The following GNG7 variants were observed in gnomAD, a reference collection of about 807,000 sequenced individuals.
GNG7 encodes G protein subunit gamma 7.
In GNG7, 1 loss-of-function variant was observed where a neutral mutation model predicts 4.0. The observed-to-expected ratio is 0.25, with a 90% CI of 0.09 to 1.18. The LOEUF (loss-of-function observed/expected upper bound fraction) is 1.18. Ranked by LOEUF, GNG7 falls within the 50% of genes most tolerant of loss-of-function variation. GNG7 has a pLI of 0.50. For synonymous variants in GNG7, 34 were observed against 36.9 expected (o/e 0.92, Z 0.29); for missense variants, 86 against 91.9 (o/e 0.94, Z 0.26).
chr19:2,557,183 A>G lies in GNG7; in HGVS notation c.-77-1995T>C, dbSNP rs941341231. Reference sequence around the variant, plus strand: ...AGACACGCGCACACACGTACACACAAGACACGTGCACACACATTTGCATGC... The same window carrying G: ...AGACACGCGCACACACGTACACACAGGACACGTGCACACACATTTGCATGC... On this transcript the variant is annotated intron_variant, in intron 2 of 4. Transcript: ENST00000382159. The surrounding 1 kb of genome is among the most constrained non-coding windows in gnomAD (Gnocchi z 5.1). Among the ~76,000 whole-genome samples, 3 of 151,436 alleles carry G rather than the reference A, an allele frequency of 2.0e-5. No individual in the cohort carries two copies. The highest frequency in any genetic ancestry group is 4.4e-5 in the Non-Finnish European group (3 of 67,870).
intron 2 of GNG7, among the ~76,000 whole-genome samples, chr19:2,576,274 T>C (rs1029753): frequency 0.79 from 120,679 of 152,254 alleles, 48,817 homozygotes; most frequent in East Asian, 1. Context: ...CCCAGGGGAC[T>C]GCAGCAAAAA....
intron 1 of GNG7, among the ~76,000 whole-genome samples, chr19:2,670,982 G>A (rs1983437938): frequency 6.6e-6 from 1 of 152,242 alleles, no homozygotes; most frequent in East Asian, 1.9e-4. Context: ...AATCCCAGGA[G>A]CTGGGGGTCC....
At chr19:2,621,658 C>T (rs1981873665) in intron 2 of GNG7, among the ~76,000 whole-genome samples, 1 of 152,136 alleles carries the variant, frequency 6.6e-6, no homozygotes, top group Non-Finnish European at 1.5e-5. Flanking sequence ...GATGGCACCA[C>T]TGCACTCCAG....
intron 2 of GNG7, among the ~76,000 whole-genome samples, chr19:2,584,146 C>CA (rs548572173): frequency 9.2e-5 from 14 of 152,116 alleles, no homozygotes; most frequent in African/African-American, 3.1e-4. Flanking sequence ...ATCAGAAGGA[C>CA]ACAGAGCCAG....
intron 3 of GNG7, chr19:2,537,971 G>A (rs749551250): frequency 5.4e-6 from 2 of 368,302 alleles, no homozygotes; most frequent in Non-Finnish European, 5.4e-6. Context: ...CAGCTACTCA[G>A]GAGGCTGAGG....
intron 1 of GNG7, among the ~76,000 whole-genome samples, chr19:2,681,147 AATTTTT>A (rs1335230160): frequency 6.9e-6 from 1 of 145,502 alleles, no homozygotes; most frequent in Non-Finnish European, 1.5e-5. Context: ...AGGCCTGGCT[AATTTTT>A]ATTTTTATTT....
At chr19:2,685,227 T>C (rs1983843134) in intron 1 of GNG7, among the ~76,000 whole-genome samples, 1 of 151,802 alleles carries the variant, frequency 6.6e-6, no homozygotes, top group Non-Finnish European at 1.5e-5. Flanking sequence ...AGTTTCAGTT[T>C]GGGAAGATGA....
At chr19:2,542,405 C>T (rs113585773) in intron 3 of GNG7, among the ~76,000 whole-genome samples, 3,999 of 152,100 alleles carry the variant, frequency 0.026, 170 homozygotes, top group African/African-American at 0.092. Flanking sequence ...TGCGAGTCAC[C>T]GCGCCTGGCC....
At chr19:2,603,996 G>A (rs1250632878) in intron 2 of GNG7, among the ~76,000 whole-genome samples, 5 of 151,928 alleles carry the variant, frequency 3.3e-5, no homozygotes, top group Middle Eastern at 3.4e-3. Flanking sequence ...GACTACAGGC[G>A]CCCGCCACCA....
rs1979129385 is a variant in GNG7, at chr19:2,546,430, G to C, written c.-38+8719C>G. Among the ~76,000 whole-genome samples the C allele has an allele frequency of 6.6e-6, 1 of 152,252 alleles. No homozygotes were observed. The highest frequency in any genetic ancestry group is 1.5e-5 in the Non-Finnish European group (1 of 68,040). ...CTCAAGGCAGGGCCGTGGGGCCCAG[G>C]GCTGCGGGCGGGAGGGCCTCTGCCA... On this transcript the variant is annotated intron_variant, in intron 3 of 4. Transcript: ENST00000382159. This position sits in a 1 kb window ranked among gnomAD's most constrained non-coding sequence, Gnocchi z 6.3.
Position 2,614,898 on chromosome 19 carries a change from A to T in GNG7, c.-78+31326T>A, listed in dbSNP as rs202067836. Among the ~76,000 whole-genome samples, 8 of 152,274 alleles carry T rather than the reference A, an allele frequency of 5.3e-5. No individual in the cohort carries two copies. In the South Asian group the frequency reaches 1.7e-3, roughly 32 times the overall value. ...AGGCGGCTGCCCCATCTTGCATCACACATCAATTCTCAATGCCAAGGCGTT... is the reference window on the plus strand; with the variant it reads ...AGGCGGCTGCCCCATCTTGCATCACTCATCAATTCTCAATGCCAAGGCGTT... On this transcript the variant is annotated intron_variant, in intron 2 of 4. Coordinates refer to ENST00000382159, the MANE Select transcript of GNG7 (RefSeq NM_052847.3). The surrounding 1 kb of genome is among the most constrained non-coding windows in gnomAD (Gnocchi z 6.0).
chr19:2,605,261 C>T (rs1252873616), intron 2 of GNG7, among the ~76,000 whole-genome samples: 1 of 152,084 alleles, frequency 6.6e-6, no homozygotes, highest in African/African-American at 2.4e-5. Context: ...GCACCAGACA[C>T]CATCTCGGCT....
intron 1 of GNG7, among the ~76,000 whole-genome samples, chr19:2,687,117 G>A (rs936060046): frequency 6.6e-6 from 1 of 151,750 alleles, no homozygotes; most frequent in South Asian, 2.1e-4. Context: ...GAGTGCAGGG[G>A]CATGATCTTG....
rs1392001284 is a variant in GNG7 at position 2,557,324 on chromosome 19, T to G, written c.-77-2136A>C. On this transcript the variant is annotated intron_variant, in intron 2 of 4. Coordinates refer to ENST00000382159, the MANE Select transcript of GNG7 (RefSeq NM_052847.3). This position sits in a 1 kb window ranked among gnomAD's most constrained non-coding sequence, Gnocchi z 5.1. ...GCACATACACGCACAGACACACATG[T>G]GCACACAGACACACACATGTGCACA... is the stretch of plus-strand genomic sequence containing the variant. 7.3e-6 allele frequency among the ~76,000 whole-genome samples: 1 copy of G among 136,334 alleles called. No homozygotes were observed. Among genetic ancestry groups the G allele is most frequent in the Non-Finnish European group, 1.6e-5 (1 of 61,658 alleles). The allele number at this position is 136,334 out of a possible 152,430, so 89.4% of individuals were successfully genotyped here. A position where few individuals can be genotyped will look rare whatever the true frequency, so the allele number is the denominator to read the frequency against.
chr19:2,535,674 A>G lies in GNG7; in HGVS notation c.-37-14949T>C, dbSNP rs138708894. On this transcript the variant is annotated intron_variant, in intron 3 of 4. Transcript: ENST00000382159. ...TTCCTTCTTTATGATGCGGGCTTCA[A>G]ATGTTATTTCTTTTTGGAACACATG... Among the ~76,000 whole-genome samples, 150 of 152,296 alleles carry G rather than the reference A, an allele frequency of 9.8e-4. 1 individual carries two copies. Among genetic ancestry groups the G allele is most frequent in the African/African-American group, 3.2e-3 (134 of 41,564 alleles).
intron 1 of GNG7, among the ~76,000 whole-genome samples, chr19:2,681,345 G>A (rs180726995): frequency 3.4e-4 from 52 of 151,952 alleles, no homozygotes; most frequent in South Asian, 1.9e-3. Context: ...CACCACGCCC[G>A]GCTAATTTTT....
rs1568240124 is a variant in GNG7, at chr19:2,551,590, C to CAAACATATATTTATAAATATGT, written c.-38+3558_-38+3559insACATATTTATAAATATATGTTT. On this transcript the variant is annotated intron_variant, in intron 3 of 4. Coordinates refer to ENST00000382159, the MANE Select transcript of GNG7 (RefSeq NM_052847.3). ...CTATTATCTATAATATATAAATATG[C>CAAACATATATTTATAAATATGT]ATTTATAAATATATAAACAAATATA... Among the ~76,000 whole-genome samples, 2 of 122,576 alleles carry CAAACATATATTTATAAATATGT rather than the reference C, an allele frequency of 1.6e-5. 1 individual carries two copies. The highest frequency in any genetic ancestry group is 6.1e-5 in the African/African-American group (2 of 32,810). The allele number at this position is 122,576 out of a possible 152,430, so 80.4% of individuals were successfully genotyped here.
In GNG7 at chr19:2,602,529, C is replaced by T. The variant is rs117201192; in HGVS notation, c.-78+43695G>A. On this transcript the variant is annotated intron_variant, in intron 2 of 4. Coordinates refer to ENST00000382159, the MANE Select transcript of GNG7 (RefSeq NM_052847.3). ...AGCAGCAGGTTCTGCCAGCTCCTCC[C>T]GAGCCTGCAGGGAAATGCAGGCAGA... Among the ~76,000 whole-genome samples the T allele has an allele frequency of 1.0e-3, 153 of 152,306 alleles. 1 individual carries two copies. The highest frequency in any genetic ancestry group is 7.5e-3 in the East Asian group (39 of 5,184).
At chr19:2,641,828 G>GT (rs34794681) in intron 2 of GNG7, 73,114 of 150,298 alleles carry the variant, frequency 0.49, 17,883 homozygotes, top group African/African-American at 0.53. Context: ...CACCTGGCTG[G>GT]TTTTTTTTGT....
Sources: gnomAD v4.1 joint callset for allele counts (sites outside exome capture counted in the v4.1 genomes callset) on GRCh38, gnomAD v4.1.1 for gene constraint, Gnocchi (gnomAD v3.1) non-coding constraint, MANE v1.5 for transcripts, NCBI Gene and HGNC (gene_info 2026-07-23, HGNC 2026-07-21) for gene names.